Variants in FAM200A observed in about 807,000 individuals in gnomAD.
FAM200A encodes ZBED8 like, also known as protein FAM200A.
FAM200A carries 26 observed loss-of-function variants against 44.2 expected under a neutral mutation model. That is an observed-to-expected ratio of 0.59 (90% CI 0.43 to 0.82). The LOEUF (loss-of-function observed/expected upper bound fraction) is 0.82, where lower values mean the gene tolerates loss of function less well. Ranked by LOEUF, FAM200A falls within the 40% of genes least tolerant of loss-of-function variation. The probability of loss-of-function intolerance (pLI) is 0.00; values close to 1 mark genes in which losing one functional copy is unlikely to be tolerated. For synonymous variants in FAM200A, 206 were observed against 244.4 expected (o/e 0.84, Z 1.47); for missense variants, 606 against 669.5 (o/e 0.91, Z 1.05).
intron 1 of FAM200A, among the ~76,000 whole-genome samples, chr7:99,549,219 A>G (rs941522047): frequency 6.7e-6 from 1 of 150,240 alleles, no homozygotes; most frequent in Non-Finnish European, 1.5e-5. Context: ...AGTATTATGA[A>G]TATTGAAACA....
Position 99,548,467 on chromosome 7 carries a change from C to A in FAM200A, c.-60G>T, listed in dbSNP as rs1021019895. 1.4e-5 allele frequency: 22 copies of A among 1,554,354 alleles called. No individual in the cohort carries two copies. Among genetic ancestry groups the A allele is most frequent in the Admixed American group, 4.0e-5 (2 of 50,348 alleles). On this transcript the variant is annotated 5_prime_UTR_variant, in exon 2 of 2. Coordinates refer to ENST00000449309, the MANE Select transcript of FAM200A (RefSeq NM_145111.4). ...AATAGGGTCTGTTTTGCAGGGCTGTCCTTTGTGACCTAGGTTTTATGAGAT... is the reference window on the plus strand; with the variant it reads ...AATAGGGTCTGTTTTGCAGGGCTGTACTTTGTGACCTAGGTTTTATGAGAT...
chr7:99,547,206 G>T lies in FAM200A; in HGVS notation c.1202C>A (p.Thr401Lys), dbSNP rs958291831. The change falls in exon 2 of 2, where the codon ACA becomes AAA. Residue 401 changes from threonine (T) to lysine (K), a missense_variant. By Grantham distance (78) the Thr-to-Lys change is moderately conservative. Coordinates refer to ENST00000449309, the MANE Select transcript of FAM200A (RefSeq NM_145111.4). The part of the protein sequence containing the change: ...SNRPSYYMFP[T>K]LLQHIEENII... Reference sequence around the variant, plus strand: ...GTTCTCTTCGATGTGTTGCAATAATGTTGGAAACATATAGTAGCTAGGGCG... The same window carrying T: ...GTTCTCTTCGATGTGTTGCAATAATTTTGGAAACATATAGTAGCTAGGGCG... 6 of 1,549,680 alleles carry T rather than the reference G, an allele frequency of 3.9e-6. No homozygotes were observed. In the African/African-American group the frequency reaches 8.2e-5, roughly 21 times the overall value.
Position 99,547,888 on chromosome 7 carries a change from A to C in FAM200A, c.520T>G (p.Cys174Gly). 3.2e-6 allele frequency: 5 copies of C among 1,551,332 alleles called. No homozygotes were observed. The highest frequency in any genetic ancestry group is 3.5e-6 in the Non-Finnish European group (4 of 1,146,982). ...WQDDFVEDLL[C>G]CLNLNSHITG... Reference sequence around the variant, plus strand: ...ATATGTGAATTTAAATTTAAACAACATAAGAGATCCTCTACAAAATCATCT... The same window carrying C: ...ATATGTGAATTTAAATTTAAACAACCTAAGAGATCCTCTACAAAATCATCT... The change falls in exon 2 of 2, where the codon TGT becomes GGT. Residue 174 changes from cysteine (C) to glycine (G), a missense_variant. Coordinates refer to ENST00000449309, the MANE Select transcript of FAM200A (RefSeq NM_145111.4).
At chr7:99,553,674 G>A (rs1802618825), upstream of FAM200A, among the ~76,000 whole-genome samples, 1 of 152,232 alleles carries the variant, frequency 6.6e-6, no homozygotes, top group African/African-American at 2.4e-5. Flanking sequence ...ACTCCTGTAT[G>A]CACATAGTCC....
In FAM200A at chr7:99,546,869, A is replaced by G; in HGVS notation, c.1539T>C (p.Ser513=). 2 of 1,550,760 alleles carry G rather than the reference A, an allele frequency of 1.3e-6. No individual in the cohort carries two copies. The highest frequency in any genetic ancestry group is 1.7e-6 in the Non-Finnish European group (2 of 1,146,748). The change falls in exon 2 of 2, where the codon AGT becomes AGC. Residue 513 remains serine, a synonymous_variant. Transcript: ENST00000449309. The stretch of plus-strand genomic sequence containing the variant: ...TTGTGAATGGTAGTAACAGCAATAT[A>G]CTCTTCCTACTTAGCAGTGGAAAGT... The part of the protein sequence containing the change: ...KDDFPLLSRK[S]ILLLLPFTTT...
chr7:99,556,449 G>A (rs931079456), upstream of FAM200A, among the ~76,000 whole-genome samples: 3 of 152,122 alleles, frequency 2.0e-5, no homozygotes, highest in African/African-American at 7.2e-5. Flanking sequence ...GCTAGATGCA[G>A]AATTACCTTA....
chr7:99,553,686 A>C (rs865867349), upstream of FAM200A, among the ~76,000 whole-genome samples: 1 of 152,220 alleles, frequency 6.6e-6, no homozygotes, highest in Admixed American at 6.5e-5. Flanking sequence ...ACATAGTCCT[A>C]CTGGAGACAC....
chr7:99,555,814 G>A (rs1403813145), upstream of FAM200A, among the ~76,000 whole-genome samples: 1 of 152,182 alleles, frequency 6.6e-6, no homozygotes, highest in Non-Finnish European at 1.5e-5. Flanking sequence ...GCTGAGGCAG[G>A]AGAATTGCTT....
intron 1 of FAM200A, 42 bp downstream of exon 1, chr7:99,551,812 G>T (rs935192613): frequency 1.4e-4 from 140 of 985,074 alleles, no homozygotes; most frequent in Non-Finnish European, 1.6e-4. Context: ...CAGTCCCAGG[G>T]GTGTCTCCAA....
rs758210952 is a variant in FAM200A, at chr7:99,548,026, C to T, written c.382G>A (p.Ala128Thr). Residue 128 changes from alanine (A) to threonine (T), a missense_variant, in exon 2 of 2, where the codon GCA (alanine) becomes ACA (threonine). Physicochemically the swap from Ala to Thr is moderately conservative, Grantham distance 58. Coordinates refer to ENST00000449309, the MANE Select transcript of FAM200A (RefSeq NM_145111.4). ...GACTGCAGCCGTGTAATAAGCATTG[C>T]TTCCAAATGTTTTGCAATCGTACAG... is the stretch of plus-strand genomic sequence containing the variant. ...RICTIAKHLE[A>T]MLITRLQSGI... 4 of 1,551,494 alleles carry T rather than the reference C, an allele frequency of 2.6e-6. No individual in the cohort carries two copies. In the South Asian group the frequency reaches 3.6e-5, roughly 14 times the overall value.
chr7:99,548,769 G>C (rs914889922), intron 1 of FAM200A, among the ~76,000 whole-genome samples: 2 of 150,832 alleles, frequency 1.3e-5, no homozygotes, highest in African/African-American at 4.9e-5. Flanking sequence ...GATTAAATGT[G>C]TCTAACAACC....
In FAM200A at chr7:99,547,305, A is replaced by T; in HGVS notation, c.1103T>A (p.Ile368Lys). 3 of 1,550,864 alleles carry T rather than the reference A, an allele frequency of 1.9e-6. No homozygotes were observed. Among genetic ancestry groups the T allele is most frequent in the Non-Finnish European group, 2.6e-6 (3 of 1,146,768 alleles). The change falls in exon 2 of 2, where the codon ATA becomes AAA. Residue 368 changes from isoleucine to lysine, a missense_variant. Coordinates refer to ENST00000449309, the MANE Select transcript of FAM200A (RefSeq NM_145111.4). ...TAGAATATGTTCAAGATACTGAAAT[A>T]TATCATTGTTTTTCCCCTGCATTTT... The part of the protein sequence containing the change: ...SLKMQGKNND[I>K]FQYLEHILGF...
Position 99,547,998 on chromosome 7 carries a change from C to T in FAM200A, c.410G>A (p.Gly137Asp). The change falls in exon 2 of 2, where the codon GGT becomes GAT. Residue 137 changes from glycine to aspartate, a missense_variant. Transcript: ENST00000449309. ...EAMLITRLQS[G>D]IDFAIQLDES... ...ATCGAGTTGGATTGCAAAGTCTATA[C>T]CGGACTGCAGCCGTGTAATAAGCAT... The T allele has an allele frequency of 6.4e-7, 1 of 1,551,464 alleles. No individual in the cohort carries two copies. Among genetic ancestry groups the T allele is most frequent in the Non-Finnish European group, 8.7e-7 (1 of 1,146,990 alleles).
upstream of FAM200A, among the ~76,000 whole-genome samples, chr7:99,553,099 A>ATATATTTTTTTT (rs1254408398): frequency 1.6e-5 from 1 of 61,418 alleles, no homozygotes; most frequent in African/African-American, 9.9e-5. Flanking sequence ...ATATATATAT[A>ATATATTTTTTTT]TTTTTTTTTT....
upstream of FAM200A, among the ~76,000 whole-genome samples, chr7:99,556,151 T>G (rs1474726255): frequency 6.6e-6 from 1 of 152,180 alleles, no homozygotes; most frequent in East Asian, 1.9e-4. Context: ...GCCCATATCT[T>G]CAGGTTTCTG....
intron 1 of FAM200A, 144 bp from the exon 2 acceptor site, chr7:99,548,650 G>C (rs1270362308): frequency 1.4e-6 from 1 of 695,730 alleles, no homozygotes; most frequent in African/African-American, 1.8e-5. Flanking sequence ...CTGTGTGTCA[G>C]GGAGATTTGG....
At chr7:99,552,592 T>G (rs1802561950), upstream of FAM200A, among the ~76,000 whole-genome samples, 1 of 152,220 alleles carries the variant, frequency 6.6e-6, no homozygotes, top group Non-Finnish European at 1.5e-5. Flanking sequence ...TGCCTTATGT[T>G]TCCAGGGAGT....
At chr7:99,549,988 T>C (rs1337384092) in intron 1 of FAM200A, among the ~76,000 whole-genome samples, 1 of 152,038 alleles carries the variant, frequency 6.6e-6, no homozygotes, top group Non-Finnish European at 1.5e-5. Flanking sequence ...ACATGGCACA[T>C]GTATACATAT....
chr7:99,552,048 T>C lies in FAM200A; in HGVS notation c.-294A>G. On this transcript the variant is annotated 5_prime_UTR_variant, in exon 1 of 2. Transcript: ENST00000449309. ...TGCTGGGATAGAAGGGGTTGTGACT[T>C]TGGGGACCAGGAGCACTAGACTCAC... 9 of 985,570 alleles carry C rather than the reference T, an allele frequency of 9.1e-6. No individual in the cohort carries two copies. The highest frequency in any genetic ancestry group is 9.6e-6 in the Non-Finnish European group (8 of 830,036). 61.1% of individuals were successfully genotyped at this position (985,570 alleles called of 1,614,324 possible).
Sources: gnomAD v4.1 joint callset for allele counts (sites outside exome capture counted in the v4.1 genomes callset) on GRCh38, gnomAD v4.1.1 for gene constraint, MANE v1.5 for transcripts, NCBI Gene and HGNC (gene_info 2026-07-23, HGNC 2026-07-21) for gene names.